POU6F2: variants seen among roughly 807,000 people sequenced by gnomAD.
POU6F2 encodes the protein POU domain, class 6, transcription factor 2.
POU6F2 carries 31 observed loss-of-function variants against 71.3 expected under a neutral mutation model. The observed-to-expected ratio is 0.43, with a 90% CI of 0.33 to 0.59. The LOEUF (loss-of-function observed/expected upper bound fraction) is 0.59. Among genes scored for constraint, POU6F2 ranks in the 20% least tolerant of loss-of-function variants. The pLI is 0.04. For missense variants in POU6F2, 783 were observed against 856.8 expected, an observed-to-expected ratio of 0.91 and a Z score of 1.07; for synonymous variants, 347 against 355.7, an observed-to-expected ratio of 0.98 and a Z score of 0.27.
chr7:39,071,654 AACACACACACACACACACAC>A (rs10522287), intron 1 of POU6F2, among the ~76,000 whole-genome samples: 17 of 142,146 alleles, frequency 1.2e-4, no homozygotes, highest in African/African-American at 2.4e-4. Flanking sequence ...TCTCTAAAGA[AACACACACACACACACACAC>A]ACACACACAC....
At chr7:39,210,505 G>A (rs1040269559) in intron 4 of POU6F2, among the ~76,000 whole-genome samples, 7 of 152,154 alleles carry the variant, frequency 4.6e-5, no homozygotes, top group Non-Finnish European at 7.3e-5. Flanking sequence ...GATTGAGAGC[G>A]TGTTCATTTA....
intron 2 of POU6F2, among the ~76,000 whole-genome samples, chr7:39,154,140 C>G (rs11770808): frequency 0.11 from 17,134 of 152,256 alleles, 1,050 homozygotes; most frequent in Middle Eastern, 0.15. Flanking sequence ...AAACATTAAT[C>G]TGGTTAAGTC....
chr7:39,201,804 C>T (rs746173896), intron 2 of POU6F2, among the ~76,000 whole-genome samples: 18 of 152,212 alleles, frequency 1.2e-4, no homozygotes, highest in African/African-American at 1.7e-4. Context: ...CCTTAGCCAA[C>T]GCCATTTATT....
At chr7:39,290,654 C>T (rs1784734919) in intron 4 of POU6F2, among the ~76,000 whole-genome samples, 2 of 152,246 alleles carry the variant, frequency 1.3e-5, no homozygotes, top group South Asian at 4.1e-4. Flanking sequence ...CTTATGTTTT[C>T]CTCCTTAAGA....
At chr7:39,387,928 C>T (rs190925931) in intron 5 of POU6F2, among the ~76,000 whole-genome samples, 2 of 152,292 alleles carry the variant, frequency 1.3e-5, no homozygotes, top group East Asian at 3.9e-4. Context: ...GACCTCCTGC[C>T]TCGAGCAGTC....
At chr7:38,992,636 T>C (rs1788634189) in intron 1 of POU6F2, among the ~76,000 whole-genome samples, 1 of 152,168 alleles carries the variant, frequency 6.6e-6, no homozygotes. Context: ...CAAAGGAGCA[T>C]GACTGAAAAA....
At chr7:39,254,512 C>T (rs765709877) in intron 4 of POU6F2, among the ~76,000 whole-genome samples, 16 of 152,056 alleles carry the variant, frequency 1.1e-4, no homozygotes, top group Non-Finnish European at 2.2e-4. Context: ...ACAGAGCAAT[C>T]GAGTCTCAGG....
chr7:39,442,390 C>T (rs889298860), intron 7 of POU6F2, among the ~76,000 whole-genome samples: 1 of 152,150 alleles, frequency 6.6e-6, no homozygotes, highest in South Asian at 2.1e-4. Flanking sequence ...AGCGAGGGAG[C>T]CAACATCAGG....
chr7:38,993,800 G>A (rs941627660), intron 1 of POU6F2, among the ~76,000 whole-genome samples: 2 of 152,106 alleles, frequency 1.3e-5, no homozygotes, highest in Admixed American at 1.3e-4. Context: ...CTGGTGTTCT[G>A]AGTGCGTATT....
At chr7:38,999,997 C>T (rs1465915582) in intron 1 of POU6F2, among the ~76,000 whole-genome samples, 2 of 152,120 alleles carry the variant, frequency 1.3e-5, no homozygotes, top group Non-Finnish European at 2.9e-5. Context: ...ATTTTCTGTT[C>T]ATAATGAGAG....
intron 4 of POU6F2, among the ~76,000 whole-genome samples, chr7:39,334,544 C>T (rs1306113315): frequency 6.6e-6 from 1 of 152,052 alleles, no homozygotes; most frequent in Admixed American, 6.6e-5. Flanking sequence ...GCAGACCTCC[C>T]AGCAAGTTTT....
intron 4 of POU6F2, among the ~76,000 whole-genome samples, chr7:39,242,333 A>G (rs1448794258): frequency 6.6e-6 from 1 of 150,718 alleles, no homozygotes; most frequent in Non-Finnish European, 1.5e-5. Flanking sequence ...TGAGCATTCT[A>G]GTTCCTCCAC....
chr7:39,260,250 GAC>G (rs1784107159), intron 4 of POU6F2, among the ~76,000 whole-genome samples: 1 of 115,290 alleles, frequency 8.7e-6, no homozygotes, highest in African/African-American at 3.5e-5. Context: ...CCACACCCCC[GAC>G]ACACACACTC....
At position 39,451,686 on chromosome 7, in the gene POU6F2, G is replaced by A. The variant is rs1180970869; in HGVS notation, c.1474G>A (p.Gly492Ser). The change falls in exon 8 of 10, where the codon GGC becomes AGC. Residue 492 changes from glycine (G) to serine (S), a missense_variant. Gly to Ser is a moderately conservative substitution (Grantham distance 56). Around this residue, in one of 2 missense-constraint regions of POU6F2, gnomAD observed 572 missense variants for 572.9 expected, o/e 1.00. Transcript: ENST00000518318. ...CTCCTCTTCTTCAGCTTTGAGCGTG[G>A]GCCAGTTAGTCAGCAGTAAGTATCC... ...SSSSSSALSV[G>S]QLVSNPQTAA... 10 of 1,596,004 alleles carry A rather than the reference G, an allele frequency of 6.3e-6. No homozygotes were observed. The highest frequency in any genetic ancestry group is 8.5e-6 in the Non-Finnish European group (10 of 1,171,202).
chr7:39,202,689 C>T (rs1207723575), intron 2 of POU6F2, among the ~76,000 whole-genome samples: 1 of 152,192 alleles, frequency 6.6e-6, no homozygotes, highest in African/African-American at 2.4e-5. Context: ...ATAGGTAAAT[C>T]ACATCTAAAA....
At chr7:39,100,819 TA>T (rs1791554789) in intron 2 of POU6F2, among the ~76,000 whole-genome samples, 1 of 152,284 alleles carries the variant, frequency 6.6e-6, no homozygotes, top group Middle Eastern at 3.4e-3. Context: ...TAACCAAACT[TA>T]AATCTGTCTC....
At position 39,306,443 on chromosome 7, in the gene POU6F2, A is replaced by G. The variant is rs1208987457; in HGVS notation, c.599-33199A>G. On this transcript the variant is annotated intron_variant, in intron 4 of 9. Transcript: ENST00000518318. The stretch of plus-strand genomic sequence containing the variant: ...GAGGAAACCGAGGTTCAGGAGGTTA[A>G]GTAACATAGCCAGGGTCAGATTTAA... Among the ~76,000 whole-genome samples, 3 of 152,334 alleles carry G rather than the reference A, an allele frequency of 2.0e-5. No homozygotes were observed. In the East Asian group the frequency reaches 5.8e-4, roughly 29 times the overall value.
chr7:39,006,898 A>G (rs1789088983), intron 1 of POU6F2: 2 of 1,606,236 alleles, frequency 1.2e-6, no homozygotes, highest in Admixed American at 1.7e-5. Context: ...AATGCCTACC[A>G]ATAGGAAATT....
intron 1 of POU6F2, among the ~76,000 whole-genome samples, chr7:39,077,680 G>A (rs1302505769): frequency 6.6e-6 from 1 of 152,180 alleles, no homozygotes; most frequent in Non-Finnish European, 1.5e-5. Context: ...CTGCCCATAT[G>A]TGCACACTCA....
Sources: gnomAD v4.1 joint callset for allele counts (sites outside exome capture counted in the v4.1 genomes callset) on GRCh38, gnomAD v4.1.1 for gene constraint, gnomAD v4.1.1 regional missense constraint, MANE v1.5 for transcripts, NCBI Gene and HGNC (gene_info 2026-07-23, HGNC 2026-07-21) for gene names.